The following TMEM87A variants were observed in gnomAD, a reference collection of about 807,000 sequenced individuals.
TMEM87A encodes Golgi-pH regulating cation channel.
In TMEM87A, 50 loss-of-function variants were observed where a neutral mutation model predicts 90.0. The observed-to-expected ratio is 0.56, with a 90% CI of 0.44 to 0.70. The LOEUF is 0.70. TMEM87A is among the 30% of genes least tolerant of loss of function. TMEM87A has a pLI of 0.00. For missense variants in TMEM87A, 577 were observed against 660.5 expected (o/e 0.87, Z 1.39); for synonymous variants, 226 against 226.7 (o/e 1.00, Z 0.03).
At chr15:42,229,219 G>T (rs1261587814) in intron 12 of TMEM87A, among the ~76,000 whole-genome samples, 1 of 151,906 alleles carries the variant, frequency 6.6e-6, no homozygotes, top group Non-Finnish European at 1.5e-5. Context: ...GCTCAGGCTG[G>T]TCTTAAACTC....
intron 6 of TMEM87A, among the ~76,000 whole-genome samples, chr15:42,254,056 T>TC (rs1364620219): frequency 6.6e-6 from 1 of 152,160 alleles, no homozygotes; most frequent in Non-Finnish European, 1.5e-5. Flanking sequence ...TTTTTTCTTT[T>TC]TTTTTTTCTC....
intron 2 of TMEM87A, among the ~76,000 whole-genome samples, chr15:42,271,391 A>C (rs891933072): frequency 1.3e-5 from 2 of 152,236 alleles, no homozygotes; most frequent in Non-Finnish European, 2.9e-5. Flanking sequence ...TCTACACAGA[A>C]CAGATTAAAA....
rs1251184319 is a variant in TMEM87A at position 42,219,647 on chromosome 15, A to G, written c.1478-5T>C. 20 of 1,584,656 alleles carry G rather than the reference A, an allele frequency of 1.3e-5. No homozygotes were observed. Among genetic ancestry groups the G allele is most frequent in the Non-Finnish European group, 1.6e-5 (19 of 1,159,354 alleles). On this transcript the variant is annotated splice_polypyrimidine_tract_variant and splice_region_variant and intron_variant, in intron 16 of 19. Transcript: ENST00000389834. ...TACTTCTCATTTTCATTCCTTCTGTAGAAGAAAATAAATATACACTGTTTA... is the reference window on the plus strand; with the variant it reads ...TACTTCTCATTTTCATTCCTTCTGTGGAAGAAAATAAATATACACTGTTTA...
At chr15:42,226,292 G>T (rs965295673) in intron 15 of TMEM87A, among the ~76,000 whole-genome samples, 1 of 151,026 alleles carries the variant, frequency 6.6e-6, no homozygotes, top group South Asian at 2.1e-4. Flanking sequence ...GAGCCACCAC[G>T]CCCAGCCCCT....
chr15:42,251,996 T>A (rs942115902), intron 6 of TMEM87A, among the ~76,000 whole-genome samples: 8 of 152,182 alleles, frequency 5.3e-5, no homozygotes, highest in Non-Finnish European at 8.8e-5. Flanking sequence ...CGCAGTTCGA[T>A]TTGGGACTGC....
At chr15:42,237,204 T>C (rs1679011) in intron 9 of TMEM87A, among the ~76,000 whole-genome samples, 144,818 of 152,288 alleles carry the variant, frequency 0.95, 69,112 homozygotes, top group Non-Finnish European at 1. Flanking sequence ...CCCAAAATGG[T>C]CACTACTGTT....
At chr15:42,221,559 G>A (rs1320729199) in intron 15 of TMEM87A, among the ~76,000 whole-genome samples, 2 of 151,922 alleles carry the variant, frequency 1.3e-5, no homozygotes, top group African/African-American at 2.4e-5. Context: ...CTAGAATTAA[G>A]CAATCTAAAA....
chr15:42,266,822 A>G (rs1445536670), intron 3 of TMEM87A, among the ~76,000 whole-genome samples: 1 of 152,214 alleles, frequency 6.6e-6, no homozygotes, highest in East Asian at 1.9e-4. Flanking sequence ...ACAATAAATT[A>G]TTGTCTTGAG....
intron 6 of TMEM87A, among the ~76,000 whole-genome samples, chr15:42,257,648 C>T (rs767850133): frequency 1.5e-4 from 23 of 152,154 alleles, no homozygotes; most frequent in Non-Finnish European, 3.4e-4. Context: ...ATTCTACCTC[C>T]AGGAATTTAG....
At position 42,211,604 on chromosome 15, in the gene TMEM87A, A is replaced by C. The variant is rs1422776624; in HGVS notation, c.*104T>G. The C allele has an allele frequency of 8.8e-7, 1 of 1,131,190 alleles. No individual in the cohort carries two copies. The allele number at this position is 1,131,190 out of a possible 1,614,324, so 70.1% of individuals were successfully genotyped here. ...CCCAAAGATCAAGGAACAGATCAGG[A>C]TGTCATTGCTTCCTTTAATCCCATG... On this transcript the variant is annotated 3_prime_UTR_variant, in exon 20 of 20. Coordinates refer to ENST00000389834, the MANE Select transcript of TMEM87A (RefSeq NM_015497.5).
rs1458250073 is a variant in TMEM87A, at chr15:42,231,278, G to A, written c.1063-18C>T. The A allele has an allele frequency of 1.9e-6, 3 of 1,549,926 alleles. No individual in the cohort carries two copies. The African/African-American group carries it at 4.3e-5, about 22-fold the overall frequency. ...GTCTGGGCCTGCAGACAAAGAAAAAGAAGTGGTGAAAAACAGATGTCTAGA... is the reference window on the plus strand; with the variant it reads ...GTCTGGGCCTGCAGACAAAGAAAAAAAAGTGGTGAAAAACAGATGTCTAGA... On this transcript the variant is annotated intron_variant, in intron 11 of 19. Coordinates refer to ENST00000389834, the MANE Select transcript of TMEM87A (RefSeq NM_015497.5).
intron 2 of TMEM87A, among the ~76,000 whole-genome samples, chr15:42,270,240 C>A (rs916164184): frequency 6.7e-6 from 1 of 150,226 alleles, no homozygotes; most frequent in Non-Finnish European, 1.5e-5. Context: ...CGTGGTGGCA[C>A]GCGCCTATAG....
chr15:42,217,016 G>T, intron 19 of TMEM87A, among the ~76,000 whole-genome samples: 1 of 148,052 alleles, frequency 6.8e-6, no homozygotes, highest in East Asian at 2.0e-4. Context: ...CTGGAGTGGC[G>T]TAATCTCAGC....
chr15:42,271,446 T>C (rs1267473365), intron 2 of TMEM87A: 1 of 152,234 alleles, frequency 6.6e-6, no homozygotes, highest in Non-Finnish European at 1.5e-5. Context: ...AGTCATTCAC[T>C]ACATAACATT....
rs559001706 is a variant in TMEM87A, at chr15:42,264,216, A to G, written c.292-13T>C. 8.8e-6 allele frequency: 14 copies of G among 1,586,738 alleles called. No homozygotes were observed. The highest frequency in any genetic ancestry group is 4.5e-5 in the East Asian group (2 of 44,630). ...CTACTTCTTCTGCCTGGAAAAAGAG[A>G]TAATACAGAGTAGTTAACTCACCTT... On this transcript the variant is annotated splice_polypyrimidine_tract_variant and intron_variant, in intron 3 of 19. Transcript: ENST00000389834.
At chr15:42,250,832 T>C (rs921875136) in intron 6 of TMEM87A, among the ~76,000 whole-genome samples, 6 of 152,246 alleles carry the variant, frequency 3.9e-5, no homozygotes, top group African/African-American at 1.2e-4. Flanking sequence ...CTGAAGAGTG[T>C]TGTCCAGCTT....
At chr15:42,248,066 C>T (rs184637833) in intron 6 of TMEM87A, among the ~76,000 whole-genome samples, 27 of 152,238 alleles carry the variant, frequency 1.8e-4, no homozygotes, top group African/African-American at 6.3e-4. Context: ...TGGGAGTTCA[C>T]TCATGATTTG....
At chr15:42,222,716 G>A (rs978983768) in intron 15 of TMEM87A, among the ~76,000 whole-genome samples, 1 of 151,884 alleles carries the variant, frequency 6.6e-6, no homozygotes, top group East Asian at 1.9e-4. Context: ...CTGCCACCAC[G>A]CCTGGCTAAT....
chr15:42,251,234 T>C (rs2051079255), intron 6 of TMEM87A, among the ~76,000 whole-genome samples: 2 of 152,246 alleles, frequency 1.3e-5, no homozygotes, highest in Admixed American at 1.3e-4. Flanking sequence ...TTCTGAAGCC[T>C]ACTTCTGTCA....
Sources: gnomAD v4.1 joint callset for allele counts (sites outside exome capture counted in the v4.1 genomes callset) on GRCh38, gnomAD v4.1.1 for gene constraint, MANE v1.5 for transcripts, NCBI Gene and HGNC (gene_info 2026-07-23, HGNC 2026-07-21) for gene names.